STK11IP: variants seen among roughly 807,000 people sequenced by gnomAD.
STK11IP encodes serine/threonine kinase 11 interacting protein, also known as serine/threonine-protein kinase 11-interacting protein.
Under a neutral mutation model 131.7 loss-of-function variants are expected in STK11IP, and 103 were observed. The ratio of observed to expected loss-of-function variants is 0.78; its 90% CI spans 0.67 to 0.92. The LOEUF (loss-of-function observed/expected upper bound fraction) is 0.92. Ranked by LOEUF, STK11IP falls within the 40% of genes least tolerant of loss-of-function variation. STK11IP has a pLI of 0.00. For synonymous variants in STK11IP, 557 were observed against 575.6 expected (o/e 0.97, Z 0.46); for missense variants, 1,315 against 1,385.7 (o/e 0.95, Z 0.81).
chr2:219,608,591 T>C lies in STK11IP; in HGVS notation c.1612T>C (p.Cys538Arg). Residue 538 changes from cysteine to arginine, a missense_variant, in exon 15 of 25, where the codon TGT becomes CGT. Transcript: ENST00000456909. Reference sequence around the variant, plus strand: ...TCTTGGTCTCTCCACAGCGGAACTCTGTCGCCCCTTGTTGGTGTGTCCCCT... The same window carrying C: ...TCTTGGTCTCTCCACAGCGGAACTCCGTCGCCCCTTGTTGGTGTGTCCCCT... ...QDQKEVEAEL[C>R]RPLLVCPLEG... 6.3e-7 allele frequency: 1 copy of C among 1,595,024 alleles called. No homozygotes were observed. Among genetic ancestry groups the C allele is most frequent in the Non-Finnish European group, 8.6e-7 (1 of 1,168,936 alleles).
In STK11IP at chr2:219,616,353, G is replaced by A. The variant is rs1204250924; in HGVS notation, c.*160G>A. The A allele has an allele frequency of 7.4e-6, 7 of 947,082 alleles. No individual in the cohort carries two copies. Among genetic ancestry groups the A allele is most frequent in the South Asian group, 1.9e-5 (1 of 53,042 alleles). 58.7% of individuals were successfully genotyped at this position (947,082 alleles called of 1,614,324 possible). A position where few individuals can be genotyped will look rare whatever the true frequency, so the allele number is the denominator to read the frequency against. On this transcript the variant is annotated 3_prime_UTR_variant, in exon 25 of 25. Coordinates refer to ENST00000456909, the MANE Select transcript of STK11IP (RefSeq NM_052902.4). Reference sequence around the variant, plus strand: ...ATGACCCAGGGCTTAAGGGAGAGGCGAGAGAATGATCTGGCCTCAGGGGAC... The same window carrying A: ...ATGACCCAGGGCTTAAGGGAGAGGCAAGAGAATGATCTGGCCTCAGGGGAC...
intron 23 of STK11IP, 58 bp downstream of exon 23, chr2:219,614,604 C>T: frequency 6.5e-7 from 1 of 1,547,412 alleles, no homozygotes; most frequent in Non-Finnish European, 8.9e-7. Flanking sequence ...TTGTCACAGG[C>T]ACTGGCCCAC....
rs781355271 is a variant in STK11IP, at chr2:219,602,492, G to A, written c.463G>A (p.Asp155Asn). 2.2e-5 allele frequency: 36 copies of A among 1,613,808 alleles called. 1 individual carries two copies. The highest frequency in any genetic ancestry group is 2.0e-4 in the South Asian group (18 of 91,068). The change falls in exon 6 of 25, where the codon GAC becomes AAC. Residue 155 changes from aspartate (D) to asparagine (N), a missense_variant. Coordinates refer to ENST00000456909, the MANE Select transcript of STK11IP (RefSeq NM_052902.4). The part of the protein sequence containing the change: ...LEELLSACGG[D>N]FCSALPWLAL... Reference sequence around the variant, plus strand: ...GGAGCTCCTCTCAGCCTGCGGCGGCGACTTCTGCTCTGCCCTCCCTTGGCT... The same window carrying A: ...GGAGCTCCTCTCAGCCTGCGGCGGCAACTTCTGCTCTGCCCTCCCTTGGCT...
intron 20 of STK11IP, 21 bp from the exon 21 acceptor site, chr2:219,613,731 C>T: frequency 6.2e-7 from 1 of 1,612,164 alleles, no homozygotes; most frequent in South Asian, 1.1e-5. Flanking sequence ...TTCTCCATTG[C>T]TCTGTCCCCT....
intron 19 of STK11IP, 109 bp from the exon 20 acceptor site, chr2:219,613,019 C>A: frequency 2.7e-6 from 2 of 735,106 alleles, no homozygotes; most frequent in Non-Finnish European, 4.7e-6. Flanking sequence ...GGTGGGTGGG[C>A]AGTGGGAGGG....
intron 15 of STK11IP, 99 bp from the exon 16 acceptor site, chr2:219,608,998 G>T: frequency 9.1e-7 from 1 of 1,098,078 alleles, no homozygotes; most frequent in Non-Finnish European, 1.3e-6. Flanking sequence ...CCTTTGACAG[G>T]CTTCAGAGGT....
intron 17 of STK11IP, among the ~76,000 whole-genome samples, chr2:219,611,153 C>T (rs1044890768): frequency 5.3e-5 from 8 of 152,124 alleles, no homozygotes; most frequent in Non-Finnish European, 1.2e-4. Context: ...GATGACTTGC[C>T]CATGATTACA....
intron 4 of STK11IP, 97 bp from the exon 5 acceptor site, chr2:219,601,891 C>A: frequency 7.7e-7 from 1 of 1,294,562 alleles, no homozygotes; most frequent in Non-Finnish European, 1.1e-6. Context: ...CATAGCTGGG[C>A]TTTGTGGTCT....
rs1698141366 is a variant in STK11IP at position 219,606,035 on chromosome 2, G to A, written c.825G>A (p.Leu275=). The change falls in exon 9 of 25, where the codon CTG becomes CTA. Residue 275 remains leucine (L), a synonymous_variant. Transcript: ENST00000456909. ...AAGGACACCGGGAGCTGTCACCACT[G>A]TGGCTGCTGGCTGAGCTCCGCAAGG... ...LLEGHRELSP[L]WLLAELRKLY... 1.9e-6 allele frequency: 3 copies of A among 1,606,566 alleles called. No homozygotes were observed. The highest frequency in any genetic ancestry group is 2.5e-6 in the Non-Finnish European group (3 of 1,176,712).
At chr2:219,605,777 G>T in intron 8 of STK11IP, 43 bp downstream of exon 8, 1 of 1,583,218 alleles carries the variant, frequency 6.3e-7, no homozygotes, top group Non-Finnish European at 8.6e-7. Context: ...AGGGGAAGGG[G>T]GAGAGTGAGG....
chr2:219,614,045 C>T, intron 21 of STK11IP, 115 bp downstream of exon 21: 2 of 1,515,670 alleles, frequency 1.3e-6, no homozygotes, highest in Non-Finnish European at 1.8e-6. Flanking sequence ...GGACTTGTCC[C>T]TTGTAGAAGT....
intron 19 of STK11IP, 63 bp from the exon 20 acceptor site, chr2:219,613,065 T>G: frequency 7.1e-7 from 1 of 1,404,476 alleles, no homozygotes; most frequent in Non-Finnish European, 9.9e-7. Flanking sequence ...AACTCGGCTT[T>G]CAGTCTGGCC....
intron 3 of STK11IP, 37 bp from the exon 4 acceptor site, chr2:219,601,604 T>C (rs2106146518): frequency 6.4e-7 from 1 of 1,556,286 alleles, no homozygotes; most frequent in Non-Finnish European, 8.7e-7. Flanking sequence ...GAAGATCTGC[T>C]GTGCCTCAGT....
intron 2 of STK11IP, among the ~76,000 whole-genome samples, chr2:219,598,894 T>C (rs1476535267): frequency 6.6e-6 from 1 of 152,222 alleles, no homozygotes; most frequent in Non-Finnish European, 1.5e-5. Context: ...ATCAAGATTT[T>C]TCACTTTTTT....
chr2:219,613,072 G>A, intron 19 of STK11IP, 56 bp from the exon 20 acceptor site: 1 of 1,465,998 alleles, frequency 6.8e-7, no homozygotes, highest in Non-Finnish European at 9.4e-7. Flanking sequence ...CTTTCAGTCT[G>A]GCCCCACCTC....
intron 24 of STK11IP, chr2:219,615,785 C>A (rs1195820994): frequency 2.9e-6 from 2 of 691,020 alleles, no homozygotes; most frequent in Non-Finnish European, 5.4e-6. Context: ...ATCCACAGTT[C>A]CCTGAAATTG....
At chr2:219,600,853 C>T (rs913946548) in intron 2 of STK11IP, among the ~76,000 whole-genome samples, 1 of 152,188 alleles carries the variant, frequency 6.6e-6, no homozygotes, top group African/African-American at 2.4e-5. Context: ...AGGCGGCTTC[C>T]TGGAGGAGGC....
chr2:219,608,016 T>A, intron 13 of STK11IP, 31 bp from the exon 14 acceptor site: 1 of 1,594,918 alleles, frequency 6.3e-7, no homozygotes, highest in Non-Finnish European at 8.6e-7. Flanking sequence ...TGGGGCAGGC[T>A]TGCTCAGTTC....
intron 8 of STK11IP, 106 bp from the exon 9 acceptor site, chr2:219,605,850 G>A (rs1019665963): frequency 6.7e-7 from 1 of 1,487,504 alleles, no homozygotes; most frequent in African/African-American, 1.4e-5. Flanking sequence ...GGAGTGCAGG[G>A]GTGCTCTGGC....
Sources: gnomAD v4.1 joint callset for allele counts (sites outside exome capture counted in the v4.1 genomes callset) on GRCh38, gnomAD v4.1.1 for gene constraint, MANE v1.5 for transcripts, NCBI Gene and HGNC (gene_info 2026-07-23, HGNC 2026-07-21) for gene names.